CLDN16: variants seen among roughly 807,000 people sequenced by gnomAD.
The protein encoded by CLDN16 is claudin 16, also known as claudin-16.
In CLDN16, 13 loss-of-function variants were observed where a neutral mutation model predicts 24.6. The ratio of observed to expected loss-of-function variants is 0.53; its 90% CI spans 0.34 to 0.84. The LOEUF (loss-of-function observed/expected upper bound fraction) is 0.84. Ranked by LOEUF, CLDN16 falls within the 40% of genes least tolerant of loss-of-function variation. CLDN16 has a pLI of 0.01. For missense variants in CLDN16, 298 were observed against 292.7 expected (o/e 1.02, Z -0.13); for synonymous variants, 116 against 106.7 (o/e 1.09, Z -0.54).
chr3:190,403,409 A>G (rs930326418), intron 2 of CLDN16, among the ~76,000 whole-genome samples: 36 of 152,208 alleles, frequency 2.4e-4, no homozygotes, highest in African/African-American at 8.4e-4. Flanking sequence ...GAAATGTCTT[A>G]AATTTAAAAA....
At position 190,410,182 on chromosome 3, in the gene CLDN16, C is replaced by G. The variant is rs1719240296; in HGVS notation, c.*146C>G. 5.2e-6 allele frequency: 5 copies of G among 956,012 alleles called. No homozygotes were observed. Among genetic ancestry groups the G allele is most frequent in the Non-Finnish European group, 8.1e-6 (5 of 614,326 alleles). 59.2% of individuals were successfully genotyped at this position (956,012 alleles called of 1,614,324 possible). Reference sequence around the variant, plus strand: ...AGCTTAATCAAAATGTTTGATTCTCCTATACTTTTTCTTTCTATTACTCTT... The same window carrying G: ...AGCTTAATCAAAATGTTTGATTCTCGTATACTTTTTCTTTCTATTACTCTT... On this transcript the variant is annotated 3_prime_UTR_variant, in exon 5 of 5. Coordinates refer to ENST00000264734, the MANE Select transcript of CLDN16 (RefSeq NM_006580.4).
exon 3 of CLDN16, chr3:190,374,585 A>G (rs2108649378): frequency 6.6e-6 from 1 of 152,008 alleles, no homozygotes; most frequent in Non-Finnish European, 1.5e-5. Context: ...GTTGGATCTA[A>G]CACATACAGC....
At chr3:190,362,049 T>C (rs572044618) in intron 1 of CLDN16, among the ~76,000 whole-genome samples, 2 of 145,048 alleles carry the variant, frequency 1.4e-5, no homozygotes, top group African/African-American at 4.9e-5. Context: ...TGGTCTAACC[T>C]GTGTAAATCA....
chr3:190,358,081 A>G (rs1273605263), intron 1 of CLDN16, among the ~76,000 whole-genome samples: 1 of 151,942 alleles, frequency 6.6e-6, no homozygotes, highest in Non-Finnish European at 1.5e-5. Flanking sequence ...ATTGGTGGAT[A>G]AGCAGTATTA....
the CLDN16 span, among the ~76,000 whole-genome samples, chr3:190,291,358 G>T: frequency 3.9e-5 from 6 of 152,118 alleles, no homozygotes; most frequent in Admixed American, 2.0e-4. Context: ...GGAGACCTCA[G>T]GAAACTTACA....
At chr3:190,370,340 T>C (rs1282307087) in intron 1 of CLDN16, among the ~76,000 whole-genome samples, 1 of 152,014 alleles carries the variant, frequency 6.6e-6, no homozygotes, top group Non-Finnish European at 1.5e-5. Flanking sequence ...TCAATTTATG[T>C]TGTATCTTTA....
chr3:190,308,412 A>G, the CLDN16 span: 1 of 1,613,816 alleles, frequency 6.2e-7, no homozygotes, highest in Non-Finnish European at 8.5e-7. Context: ...CAGCCCAGCC[A>G]GTGAAGAGAG....
intron 1 of CLDN16, among the ~76,000 whole-genome samples, chr3:190,333,532 AT>A (rs1560080517): frequency 1.2e-3 from 20 of 16,310 alleles, no homozygotes; most frequent in African/African-American, 4.0e-3. Flanking sequence ...TCAGTCTATC[AT>A]CTATCTATCT....
At chr3:190,315,988 A>T in the CLDN16 span, among the ~76,000 whole-genome samples, 1 of 152,196 alleles carries the variant, frequency 6.6e-6, no homozygotes. Context: ...GTTTTTGCCC[A>T]TTAAGTTCTC....
chr3:190,343,862 C>T (rs1203895442), intron 1 of CLDN16, among the ~76,000 whole-genome samples: 2 of 151,870 alleles, frequency 1.3e-5, no homozygotes, highest in African/African-American at 4.8e-5. Context: ...TACAAAGTAG[C>T]AACGTAGGAT....
At chr3:190,362,539 C>T (rs981113059) in intron 1 of CLDN16, among the ~76,000 whole-genome samples, 2 of 151,970 alleles carry the variant, frequency 1.3e-5, no homozygotes, top group African/African-American at 2.4e-5. Flanking sequence ...ACTCCAGTAT[C>T]CCGCAGAGCT....
intron 4 of CLDN16, among the ~76,000 whole-genome samples, chr3:190,409,305 T>TATGTATATATGCACACATGCATATGC (rs1719207769): frequency 7.1e-6 from 1 of 139,986 alleles, no homozygotes; most frequent in South Asian, 2.3e-4. Context: ...CATGTATATG[T>TATGTATATATGCACACATGCATATGC]ATGTATATAT....
At chr3:190,296,551 T>TAA in the CLDN16 span, among the ~76,000 whole-genome samples, 2 of 148,878 alleles carry the variant, frequency 1.3e-5, no homozygotes, top group Admixed American at 1.3e-4. Flanking sequence ...AGATTTAATT[T>TAA]TTTTTTTTTT....
chr3:190,344,161 C>T (rs972872148), intron 1 of CLDN16, among the ~76,000 whole-genome samples: 7 of 151,802 alleles, frequency 4.6e-5, no homozygotes, highest in South Asian at 2.1e-4. Context: ...TTTGAAAGCA[C>T]GTATGAAGAA....
chr3:190,297,467 GTTATA>G, the CLDN16 span, among the ~76,000 whole-genome samples: 1 of 120,176 alleles, frequency 8.3e-6, no homozygotes, highest in Non-Finnish European at 1.7e-5. Flanking sequence ...CATATTAATT[GTTATA>G]TTATCTATAT....
At position 190,394,595 on chromosome 3, in the gene CLDN16, CTTAT is replaced by C. The variant is rs528830162; in HGVS notation, c.114+6157_114+6160del. ...AGATGTTTGAGGCTACAAATGTTCT[CTTAT>C]TTATCTCATGATTTCCTAAGTACCT... On this transcript the variant is annotated intron_variant, in intron 1 of 4. Transcript: ENST00000264734. 2.0e-3 allele frequency among the ~76,000 whole-genome samples: 307 copies of C among 152,190 alleles called. 1 individual carries two copies. The highest frequency in any genetic ancestry group is 6.9e-3 in the African/African-American group (288 of 41,530).
intron 3 of CLDN16, among the ~76,000 whole-genome samples, chr3:190,376,120 A>G (rs901597257): frequency 2.0e-5 from 3 of 151,916 alleles, no homozygotes; most frequent in African/African-American, 7.2e-5. Context: ...AAAGGAATCC[A>G]CATCATTGAC....
chr3:190,296,024 T>A, the CLDN16 span, among the ~76,000 whole-genome samples: 2 of 152,282 alleles, frequency 1.3e-5, no homozygotes, highest in East Asian at 3.9e-4. Flanking sequence ...ATAATTATAA[T>A]AAAAGCTCTG....
chr3:190,303,907 C>T, the CLDN16 span, among the ~76,000 whole-genome samples: 1 of 152,130 alleles, frequency 6.6e-6, no homozygotes, highest in Non-Finnish European at 1.5e-5. Flanking sequence ...AAAAAAGCCC[C>T]AATCCTGAAC....
Sources: gnomAD v4.1 joint callset for allele counts (sites outside exome capture counted in the v4.1 genomes callset) on GRCh38, gnomAD v4.1.1 for gene constraint, MANE v1.5 for transcripts, NCBI Gene and HGNC (gene_info 2026-07-23, HGNC 2026-07-21) for gene names.